The following TTLL9 variants were observed in gnomAD, a reference collection of about 807,000 sequenced individuals.
TTLL9 encodes the protein probable tubulin polyglutamylase TTLL9.
TTLL9 carries 47 observed loss-of-function variants against 65.6 expected under a neutral mutation model. The ratio of observed to expected loss-of-function variants is 0.72; its 90% CI spans 0.57 to 0.91. The LOEUF is 0.91. Among genes scored for constraint, TTLL9 ranks in the 40% least tolerant of loss-of-function variants. The pLI is 0.00. For synonymous variants in TTLL9, 179 were observed against 204.8 expected, an observed-to-expected ratio of 0.87 and a Z score of 1.07; for missense variants, 537 against 568.8, an observed-to-expected ratio of 0.94 and a Z score of 0.57.
intron 4 of TTLL9, among the ~76,000 whole-genome samples, chr20:31,899,384 C>T (rs974141189): frequency 2.0e-5 from 3 of 152,300 alleles, no homozygotes; most frequent in East Asian, 1.9e-4. Context: ...AATTCCAGCA[C>T]TTTGGGAGGC....
chr20:31,944,666 A>C lies in TTLL9; in HGVS notation c.*1645A>C, dbSNP rs2064289816. On this transcript the variant is annotated 3_prime_UTR_variant, in exon 15 of 15. Coordinates refer to ENST00000535842, the MANE Select transcript of TTLL9 (RefSeq NM_001008409.5). ...CTCATGTTTTAAAAGTTTCTGCATTAGTCAAAAATATTTAAAAGGAGATTC... is the reference window on the plus strand; with the variant it reads ...CTCATGTTTTAAAAGTTTCTGCATTCGTCAAAAATATTTAAAAGGAGATTC... The C allele has an allele frequency of 6.6e-6, 1 of 152,256 alleles. No individual in the cohort carries two copies. The highest frequency in any genetic ancestry group is 1.5e-5 in the Non-Finnish European group (1 of 68,050). 9.4% of individuals were successfully genotyped at this position (152,256 alleles called of 1,614,324 possible).
At chr20:31,876,140 T>C (rs1462423678) in intron 2 of TTLL9, among the ~76,000 whole-genome samples, 1 of 152,224 alleles carries the variant, frequency 6.6e-6, no homozygotes, top group African/African-American at 2.4e-5. Flanking sequence ...TATCACTGTA[T>C]GGTATTTTAT....
At chr20:31,914,649 C>G (rs1329698449) in intron 6 of TTLL9, among the ~76,000 whole-genome samples, 2 of 152,030 alleles carry the variant, frequency 1.3e-5, no homozygotes, top group Admixed American at 6.6e-5. Context: ...AATCAGGCCT[C>G]CAAGGAAGCG....
At chr20:31,892,888 A>G (rs1444159483) in intron 3 of TTLL9, among the ~76,000 whole-genome samples, 1 of 152,078 alleles carries the variant, frequency 6.6e-6, no homozygotes, top group Non-Finnish European at 1.5e-5. Flanking sequence ...TTGTGCTGCT[A>G]TTTTTGTCAT....
chr20:31,889,257 T>G lies in TTLL9; in HGVS notation c.113+2018T>G, dbSNP rs1449264938. 6.6e-5 allele frequency among the ~76,000 whole-genome samples: 10 copies of G among 152,172 alleles called. No individual in the cohort carries two copies. In the South Asian group the frequency reaches 2.1e-3, roughly 32 times the overall value. ...TTCAATAATGTCAGAGCCAGCATCT[T>G]CATGATTGCCTTTTTTTTCTTTTTT... is the stretch of plus-strand genomic sequence containing the variant. On this transcript the variant is annotated intron_variant, in intron 3 of 14. Transcript: ENST00000535842.
chr20:31,905,982 G>A (rs950020219), intron 4 of TTLL9, among the ~76,000 whole-genome samples: 2 of 141,368 alleles, frequency 1.4e-5, no homozygotes, highest in East Asian at 2.1e-4. Context: ...GCGGTGAGTC[G>A]AGATCGTGCC....
rs58783829 is a variant in TTLL9 at position 31,932,471 on chromosome 20, C to CAAAAA, written c.749-1319_749-1315dup. Among the ~76,000 whole-genome samples, 7 of 86,484 alleles carry CAAAAA rather than the reference C, an allele frequency of 8.1e-5. 1 individual carries two copies. Among genetic ancestry groups the CAAAAA allele is most frequent in the African/African-American group, 2.2e-4 (4 of 17,898 alleles). 56.7% of individuals were successfully genotyped at this position (86,484 alleles called of 152,430 possible). ...TGGGTGACAGAGCAAGACCCTGTCT[C>CAAAAA]AAAAAAAAAAAAAAGGTCTAAAGAA... On this transcript the variant is annotated intron_variant, in intron 10 of 14. Transcript: ENST00000535842.
At chr20:31,882,894 A>AC (rs922730014) in intron 2 of TTLL9, among the ~76,000 whole-genome samples, 3 of 152,104 alleles carry the variant, frequency 2.0e-5, no homozygotes, top group Admixed American at 6.5e-5. Context: ...TCCCCAAGGA[A>AC]CCCCCACCCT....
At chr20:31,907,263 C>T (rs541648150) in intron 4 of TTLL9, among the ~76,000 whole-genome samples, 2 of 152,314 alleles carry the variant, frequency 1.3e-5, no homozygotes, top group African/African-American at 2.4e-5. Flanking sequence ...CAGAACCTAA[C>T]ACTTCAGGTT....
At chr20:31,920,897 A>G (rs908795816) in intron 7 of TTLL9, among the ~76,000 whole-genome samples, 2 of 152,160 alleles carry the variant, frequency 1.3e-5, no homozygotes, top group African/African-American at 4.8e-5. Flanking sequence ...CTTGTCTTTG[A>G]GTGAAGGGGA....
intron 2 of TTLL9, among the ~76,000 whole-genome samples, chr20:31,883,225 A>T (rs2063143364): frequency 6.8e-6 from 1 of 147,980 alleles, no homozygotes; most frequent in African/African-American, 2.5e-5. Context: ...TTTGAAACAG[A>T]GTCTTGCCAT....
At chr20:31,871,072 T>C in intron 1 of TTLL9, 50 bp from the exon 2 acceptor site, 1 of 1,536,982 alleles carries the variant, frequency 6.5e-7, no homozygotes, top group Non-Finnish European at 9.0e-7. Flanking sequence ...CATCTTCCCA[T>C]CCATTCATCC....
chr20:31,941,764 C>CA (rs1600637472), intron 14 of TTLL9, among the ~76,000 whole-genome samples: 1 of 152,090 alleles, frequency 6.6e-6, no homozygotes, highest in Non-Finnish European at 1.5e-5. Flanking sequence ...CCTGTAGAGA[C>CA]AAAATCTCAC....
intron 3 of TTLL9, 43 bp downstream of exon 3, chr20:31,887,282 T>C: frequency 6.2e-7 from 1 of 1,603,548 alleles, no homozygotes. Context: ...CGCAACCAAC[T>C]TCTCTCCCTC....
chr20:31,923,126 G>A (rs2063837944), intron 8 of TTLL9, 73 bp downstream of exon 8: 1 of 1,246,534 alleles, frequency 8.0e-7, no homozygotes, highest in Non-Finnish European at 1.2e-6. Flanking sequence ...GCTTTGACCA[G>A]CAGCCTGCCA....
intron 6 of TTLL9, among the ~76,000 whole-genome samples, chr20:31,916,001 C>G (rs2063728560): frequency 6.6e-6 from 1 of 152,132 alleles, no homozygotes; most frequent in African/African-American, 2.4e-5. Context: ...GAAGGCTGCT[C>G]CAGCATCCAC....
intron 6 of TTLL9, among the ~76,000 whole-genome samples, chr20:31,911,831 CGTGTGTGT>C (rs55996863): frequency 0.021 from 2,983 of 142,284 alleles, 61 homozygotes; most frequent in East Asian, 0.064. Context: ...TGTGTCTGTG[CGTGTGTGT>C]GTGTGTGTGT....
At chr20:31,930,728 A>G (rs2063993896) in intron 10 of TTLL9, among the ~76,000 whole-genome samples, 1 of 152,082 alleles carries the variant, frequency 6.6e-6, no homozygotes, top group Non-Finnish European at 1.5e-5. Flanking sequence ...CATCATTTCT[A>G]AACTAAGAAA....
chr20:31,893,295 T>TTC (rs1269903759), intron 3 of TTLL9, among the ~76,000 whole-genome samples: 7 of 149,914 alleles, frequency 4.7e-5, no homozygotes, highest in African/African-American at 1.5e-4. Context: ...CTTTTTCTTT[T>TTC]TTTTTTTTTT....
Sources: gnomAD v4.1 joint callset for allele counts (sites outside exome capture counted in the v4.1 genomes callset) on GRCh38, gnomAD v4.1.1 for gene constraint, MANE v1.5 for transcripts, NCBI Gene and HGNC (gene_info 2026-07-23, HGNC 2026-07-21) for gene names.